The following RGL1 variants were observed in gnomAD, a reference collection of about 807,000 sequenced individuals.
RGL1 encodes ral guanine nucleotide dissociation stimulator-like 1.
Under a neutral mutation model 95.2 loss-of-function variants are expected in RGL1, and 24 were observed. The observed-to-expected ratio is 0.25, with a 90% CI of 0.18 to 0.35. The LOEUF is 0.35. Among genes scored for constraint, RGL1 ranks in the 10% least tolerant of loss-of-function variants. The pLI is 1.00. For missense variants in RGL1, 715 were observed against 936.3 expected (o/e 0.76, Z 3.08); for synonymous variants, 329 against 344.9 (o/e 0.95, Z 0.51).
At chr1:183,841,953 A>G (rs1359366356) in intron 2 of RGL1, among the ~76,000 whole-genome samples, 1 of 152,188 alleles carries the variant, frequency 6.6e-6, no homozygotes, top group Non-Finnish European at 1.5e-5. Flanking sequence ...ATATTTCAAA[A>G]TCTGAAAAAT....
In RGL1 at chr1:183,928,142, C is replaced by T. The variant is rs1238544649; in HGVS notation, c.*1850C>T. ...AGGTTGAAGTATATGTAGCCTCAGC[C>T]TGATATTCTTGGTGCGAAGGTAAAA... On this transcript the variant is annotated 3_prime_UTR_variant, in exon 18 of 18. Transcript: ENST00000360851. 1 of 150,684 alleles carries T rather than the reference C, an allele frequency of 6.6e-6. No homozygotes were observed. Among genetic ancestry groups the T allele is most frequent in the Non-Finnish European group, 1.5e-5 (1 of 67,766 alleles). 9.3% of individuals were successfully genotyped at this position (150,684 alleles called of 1,614,324 possible).
intron 2 of RGL1, among the ~76,000 whole-genome samples, chr1:183,767,805 T>C (rs371840537): frequency 3.7e-4 from 56 of 152,094 alleles, no homozygotes; most frequent in African/African-American, 1.3e-3. Context: ...ATACAAAAAT[T>C]AGCTGGGTGT....
At chr1:183,642,712 C>T (rs1650009462) in intron 1 of RGL1, among the ~76,000 whole-genome samples, 1 of 152,110 alleles carries the variant, frequency 6.6e-6, no homozygotes, top group South Asian at 2.1e-4. Flanking sequence ...AATATTTAGT[C>T]TAACAGAAAA....
At chr1:183,649,291 T>C (rs1423087151) in intron 1 of RGL1, among the ~76,000 whole-genome samples, 1 of 152,258 alleles carries the variant, frequency 6.6e-6, no homozygotes, top group Admixed American at 6.5e-5. Flanking sequence ...ACTCAGTAAA[T>C]ATTAACTCTT....
chr1:183,833,615 A>G (rs928970942), intron 2 of RGL1, among the ~76,000 whole-genome samples: 8 of 152,190 alleles, frequency 5.3e-5, no homozygotes, highest in Non-Finnish European at 1.0e-4. Context: ...AAAGTGTTAA[A>G]ATATTTTGTA....
chr1:183,752,706 T>TCTCTC (rs58775038), intron 2 of RGL1, among the ~76,000 whole-genome samples: 12,053 of 109,582 alleles, frequency 0.11, 1,411 homozygotes, highest in Admixed American at 0.16. Flanking sequence ...CTCTCTCTCT[T>TCTCTC]TCCCCTTTCC....
rs150367802 is a variant in RGL1 at position 183,849,482 on chromosome 1, A to AATTTTTTTTTTTTTTTTTTTTTTT, written c.347+1708_347+1709insATTTTTTTTTTTTTTTTTTTTTTT. On this transcript the variant is annotated intron_variant, in intron 3 of 17. Coordinates refer to ENST00000360851, the MANE Select transcript of RGL1 (RefSeq NM_001297671.3). Reference sequence around the variant, plus strand: ...GACATTTAAGTTTTCTCCAGTTTTTAGTTTTTTTTTTTTTTTTTTTTTTTG... The same window carrying AATTTTTTTTTTTTTTTTTTTTTTT: ...GACATTTAAGTTTTCTCCAGTTTTTAATTTTTTTTTTTTTTTTTTTTTTTGTTTTTTTTTTTTTTTTTTTTTTTG... Among the ~76,000 whole-genome samples the AATTTTTTTTTTTTTTTTTTTTTTT allele has an allele frequency of 1.5e-4, 15 of 99,362 alleles. 1 individual carries two copies. The highest frequency in any genetic ancestry group is 2.7e-4 in the Admixed American group (2 of 7,386). The allele number at this position is 99,362 out of a possible 152,430, so 65.2% of individuals were successfully genotyped here.
At chr1:183,910,256 C>G (rs1668565972) in intron 14 of RGL1, among the ~76,000 whole-genome samples, 1 of 152,148 alleles carries the variant, frequency 6.6e-6, no homozygotes, top group African/African-American at 2.4e-5. Flanking sequence ...GCCACCACAC[C>G]TGGGTAATTT....
At chr1:183,824,847 A>G (rs1383324185) in intron 2 of RGL1, among the ~76,000 whole-genome samples, 3 of 151,600 alleles carry the variant, frequency 2.0e-5, no homozygotes, top group Non-Finnish European at 4.4e-5. Context: ...TTATATAATA[A>G]TGCTTTCCTA....
chr1:183,698,712 G>C (rs1045799819), intron 1 of RGL1, among the ~76,000 whole-genome samples: 3 of 152,228 alleles, frequency 2.0e-5, no homozygotes, highest in Non-Finnish European at 4.4e-5. Flanking sequence ...TTTAAGAGAT[G>C]CTGCCATTTT....
At position 183,789,480 on chromosome 1, in the gene RGL1, T is replaced by C. The variant is rs116302509; in HGVS notation, c.133-16895T>C. Among the ~76,000 whole-genome samples, 453 of 151,542 alleles carry C rather than the reference T, an allele frequency of 3.0e-3. 4 individuals carry two copies. The highest frequency in any genetic ancestry group is 0.011 in the African/African-American group (436 of 41,364). On this transcript the variant is annotated intron_variant, in intron 2 of 18. Transcript: ENST00000304685. ...CAAAAAACAAAAAAACAAAAAACAA[T>C]AACAAAAACAAAAAGGAAGCTCTAC...
At chr1:183,912,029 A>G (rs1340312278) in intron 14 of RGL1, 53 bp from the exon 15 acceptor site, 1 of 1,529,318 alleles carries the variant, frequency 6.5e-7, no homozygotes, top group South Asian at 1.2e-5. Flanking sequence ...TTGCCTAATC[A>G]TGGATTCCAG....
At chr1:183,824,345 A>G (rs1229241687) in intron 2 of RGL1, among the ~76,000 whole-genome samples, 1 of 152,090 alleles carries the variant, frequency 6.6e-6, no homozygotes, top group Non-Finnish European at 1.5e-5. Flanking sequence ...GGCCCTGGAG[A>G]CATGAAATCA....
Position 183,902,716 on chromosome 1 carries a change from T to G in RGL1, c.1350+116T>G, listed in dbSNP as rs868819225. On this transcript the variant is annotated intron_variant, in intron 12 of 17. Coordinates refer to ENST00000360851, the MANE Select transcript of RGL1 (RefSeq NM_001297671.3). ...AAATGAGTTAGCACCTACTGAACGT[T>G]TATCATATACCATTTTGCTTGGCAT... 6.6e-5 allele frequency: 59 copies of G among 895,086 alleles called. No individual in the cohort carries two copies. The Middle Eastern group carries it at 6.4e-3, about 97-fold the overall frequency. 55.4% of individuals were successfully genotyped at this position (895,086 alleles called of 1,614,324 possible). A position where few individuals can be genotyped will look rare whatever the true frequency, so the allele number is the denominator to read the frequency against.
intron 3 of RGL1, among the ~76,000 whole-genome samples, chr1:183,856,364 C>A (rs1349392186): frequency 6.6e-6 from 1 of 151,426 alleles, no homozygotes; most frequent in East Asian, 1.9e-4. Context: ...TACTAGTTTC[C>A]ATTTGGCTCT....
At position 183,812,997 on chromosome 1, in the gene RGL1, A is replaced by T. The variant is rs535346530; in HGVS notation, c.138+6512A>T. On this transcript the variant is annotated intron_variant, in intron 2 of 17. Coordinates refer to ENST00000360851, the MANE Select transcript of RGL1 (RefSeq NM_001297671.3). ...TTAGCATAGTCATTGAAGAGTTTTA[A>T]GCAGAGTGGCATGGTCAGATTTGCA... Among the ~76,000 whole-genome samples, 27 of 152,340 alleles carry T rather than the reference A, an allele frequency of 1.8e-4. No homozygotes were observed. The Middle Eastern group carries it at 0.01, about 58-fold the overall frequency.
chr1:183,804,426 CA>C (rs1661156508), upstream of RGL1, among the ~76,000 whole-genome samples: 1 of 152,202 alleles, frequency 6.6e-6, no homozygotes, highest in Non-Finnish European at 1.5e-5. Flanking sequence ...TGCTGGTAGT[CA>C]TCTGATGAAG....
At chr1:183,825,368 G>A (rs930325618) in intron 2 of RGL1, among the ~76,000 whole-genome samples, 1 of 152,186 alleles carries the variant, frequency 6.6e-6, no homozygotes, top group Non-Finnish European at 1.5e-5. Context: ...GTAATGTCAT[G>A]TTCAGGGGAC....
intron 3 of RGL1, among the ~76,000 whole-genome samples, chr1:183,856,064 G>T (rs1042089587): frequency 1.2e-4 from 18 of 152,072 alleles, no homozygotes; most frequent in Non-Finnish European, 2.2e-4. Flanking sequence ...TTATTTAGTA[G>T]AAAAACTTTC....
Sources: allele counts gnomAD v4.1 joint callset (sites outside exome capture counted in the v4.1 genomes callset), GRCh38; gene constraint gnomAD v4.1.1; transcripts MANE v1.5; gene names NCBI Gene and HGNC (gene_info 2026-07-23, HGNC 2026-07-21).